ZNF568: variants seen among roughly 807,000 people sequenced by gnomAD.
ZNF568 encodes p53 inhibitor of SCO2 activation.
In ZNF568, 11 loss-of-function variants were observed where a neutral mutation model predicts 18.1. The observed-to-expected ratio is 0.61, with a 90% confidence interval of 0.38 to 1.00. The LOEUF (loss-of-function observed/expected upper bound fraction) is 1.00. Ranked by LOEUF, ZNF568 falls within the 50% of genes least tolerant of loss-of-function variation. The pLI, the probability that ZNF568 is intolerant of heterozygous loss-of-function variation, is 0.01. For synonymous variants in ZNF568, 213 were observed against 246.6 expected, an observed-to-expected ratio of 0.86 and a Z score of 1.28; for missense variants, 639 against 768.2, an observed-to-expected ratio of 0.83 and a Z score of 1.99.
chr19:36,991,380 C>G, intron 3 of ZNF568: 1 of 1,424,918 alleles, frequency 7.0e-7, no homozygotes, highest in Non-Finnish European at 9.2e-7. Flanking sequence ...GTTCTTTTTT[C>G]TGAGTTTGTC....
At chr19:36,958,616 C>CTTTTTTTTTTTTTTTTTT (rs35494587) in intron 6 of ZNF568, among the ~76,000 whole-genome samples, 57 of 99,122 alleles carry the variant, frequency 5.8e-4, no homozygotes, top group African/African-American at 1.3e-3. Context: ...CTTTTTCTTT[C>CTTTTTTTTTTTTTTTTTT]TTTTTTTTTT....
chr19:36,980,580 TATA>T (rs1193442077), downstream of ZNF568, among the ~76,000 whole-genome samples: 2 of 152,222 alleles, frequency 1.3e-5, no homozygotes, highest in East Asian at 3.9e-4. Flanking sequence ...CACCCTTAGG[TATA>T]ATAATTCAGT....
At chr19:36,972,296 C>A (rs1018869042) in intron 6 of ZNF568, among the ~76,000 whole-genome samples, 3 of 151,998 alleles carry the variant, frequency 2.0e-5, no homozygotes, top group Non-Finnish European at 4.4e-5. Context: ...TAAAGTATTT[C>A]TCGAACATAC....
chr19:36,957,266 C>G (rs2074114865), downstream of ZNF568, among the ~76,000 whole-genome samples: 1 of 125,142 alleles, frequency 8.0e-6, no homozygotes, highest in Non-Finnish European at 1.6e-5. Context: ...GAGTCCTGCT[C>G]TGTCGCCCAG....
chr19:36,920,514 T>C (rs960585628), intron 2 of ZNF568, among the ~76,000 whole-genome samples: 8 of 151,772 alleles, frequency 5.3e-5, no homozygotes, highest in African/African-American at 1.2e-4. Flanking sequence ...TCCCAGCTAC[T>C]TGGGAGGCTG....
chr19:36,942,619 AAGAAT>A (rs1301317238), intron 6 of ZNF568, among the ~76,000 whole-genome samples: 1 of 97,750 alleles, frequency 1.0e-5, no homozygotes, highest in Non-Finnish European at 2.1e-5. Flanking sequence ...AAAAAAAAAG[AAGAAT>A]AGAGAGATAA....
intron 7 of ZNF568, among the ~76,000 whole-genome samples, chr19:36,976,781 A>T (rs2074288994): frequency 6.6e-6 from 1 of 152,162 alleles, no homozygotes; most frequent in Admixed American, 6.5e-5. Flanking sequence ...GTGGTGGCGC[A>T]TGCCTGTAAT....
At chr19:36,961,825 GGTTATT>G (rs1269360420) in intron 6 of ZNF568, among the ~76,000 whole-genome samples, 1 of 151,612 alleles carries the variant, frequency 6.6e-6, no homozygotes, top group East Asian at 1.9e-4. Context: ...CCTGGCTAAA[GGTTATT>G]ATTCACATAC....
downstream of ZNF568, among the ~76,000 whole-genome samples, chr19:36,953,327 G>C (rs1834748312): frequency 6.6e-6 from 1 of 152,190 alleles, no homozygotes; most frequent in South Asian, 2.1e-4. Context: ...ATTTTGAAAT[G>C]AGAAATCATT....
At chr19:36,963,693 G>A (rs901614033) in intron 6 of ZNF568, among the ~76,000 whole-genome samples, 1 of 152,112 alleles carries the variant, frequency 6.6e-6, no homozygotes, top group Admixed American at 6.6e-5. Flanking sequence ...AGTTGGCCGG[G>A]CACAGTGGCT....
At chr19:36,990,491 T>G (rs1208519040) in intron 2 of ZNF568, among the ~76,000 whole-genome samples, 2 of 152,198 alleles carry the variant, frequency 1.3e-5, no homozygotes, top group Non-Finnish European at 2.9e-5. Context: ...GGCCCATGCC[T>G]GTGGTCCCAG....
At chr19:36,933,904 T>C (rs1249219905) in intron 4 of ZNF568, among the ~76,000 whole-genome samples, 2 of 100,822 alleles carry the variant, frequency 2.0e-5, no homozygotes, top group African/African-American at 5.2e-5. Context: ...GGTAGGTTTT[T>C]TTTTTTGTTT....
chr19:36,926,769 C>A (rs2073561797), intron 4 of ZNF568, among the ~76,000 whole-genome samples: 1 of 152,104 alleles, frequency 6.6e-6, no homozygotes, highest in South Asian at 2.1e-4. Flanking sequence ...TAGCTTATTT[C>A]ATGTAATTAT....
rs909356395 is a variant in ZNF568 at position 36,971,894 on chromosome 19, C to T, written c.359-2526C>T. ...GTCTCACTGTCACCAGGCTGGAGTGCAGTGGTACAGTCTCGGCTCACTGCA... is the reference window on the plus strand; with the variant it reads ...GTCTCACTGTCACCAGGCTGGAGTGTAGTGGTACAGTCTCGGCTCACTGCA... On this transcript the variant is annotated intron_variant, in intron 6 of 7. Coordinates refer to the ZNF568 transcript ENST00000427117. Among the ~76,000 whole-genome samples the T allele has an allele frequency of 1.2e-4, 17 of 146,702 alleles. 1 individual carries two copies. Among genetic ancestry groups the T allele is most frequent in the Admixed American group, 8.3e-4 (12 of 14,390 alleles).
Position 36,949,613 on chromosome 19 carries a change from G to T in ZNF568, c.460G>T (p.Glu154Ter), listed in dbSNP as rs1276936483. The change falls in exon 7 of 7, where the codon GAA (glutamate) becomes TAA (stop). Residue 154 changes from glutamate (E) to a stop codon, truncating the protein, a stop_gained. Transcript: ENST00000333987. LOFTEE classifies it low-confidence loss of function (END_TRUNC). Reference protein sequence around the residue: ...KKILIKEKVIECKKVAKIFPL... With the variant: ...KKILIKEKVI ...AATTCTGATAAAGGAAAAAGTCATT[G>T]AATGTAAAAAAGTTGCGAAAATATT... 1.9e-6 allele frequency: 3 copies of T among 1,613,566 alleles called. No homozygotes were observed. Among genetic ancestry groups the T allele is most frequent in the Admixed American group, 3.3e-5 (2 of 59,978 alleles).
Position 36,950,493 on chromosome 19 carries a change from AATGT to A in ZNF568, c.1342_1345del (p.Cys448ArgfsTer129). The A allele has an allele frequency of 1.9e-6, 3 of 1,613,628 alleles. No individual in the cohort carries two copies. The highest frequency in any genetic ancestry group is 2.5e-6 in the Non-Finnish European group (3 of 1,179,748). The stretch of plus-strand genomic sequence containing the variant: ...AATCATACAGCTGAGAAACCCTATG[AATGT>A]AAGGAATGTGGAAAAGCCTTCAGCA... On this transcript the variant is annotated frameshift_variant, in exon 7 of 7. Transcript: ENST00000333987. LOFTEE classifies it low-confidence loss of function (END_TRUNC).
intron 2 of ZNF568, among the ~76,000 whole-genome samples, chr19:36,921,177 G>C (rs2146265434): frequency 6.6e-6 from 1 of 152,252 alleles, no homozygotes; most frequent in South Asian, 2.1e-4. Context: ...AGTGATCACT[G>C]TCGGCCAAGC....
At chr19:36,988,770 G>A (rs1644675) in intron 2 of ZNF568, among the ~76,000 whole-genome samples, 81,108 of 151,928 alleles carry the variant, frequency 0.53, 22,178 homozygotes, top group African/African-American at 0.62. Flanking sequence ...TGATGTTTCA[G>A]TACATATCTA....
rs138419937 is a variant in ZNF568 at position 36,952,038 on chromosome 19, CT to C, written c.*967del. 192,056 of 862,144 alleles carry C rather than the reference CT, an allele frequency of 0.22. 3,290 individuals are homozygous for C. The highest frequency in any genetic ancestry group is 0.3 in the South Asian group (5,439 of 18,166). The allele number at this position is 862,144 out of a possible 1,614,324, so 53.4% of individuals were successfully genotyped here. A position where few individuals can be genotyped will look rare whatever the true frequency, so the allele number is the denominator to read the frequency against. On this transcript the variant is annotated 3_prime_UTR_variant, in exon 7 of 7. Coordinates refer to ENST00000333987, the MANE Select transcript of ZNF568 (RefSeq NM_198539.4). ...TGTCTATGACGTTGAGGCCAAGGAG[CT>C]TTTTTTTTTTTTTTTTCAAGACAAA...
Sources: gnomAD v4.1 joint callset for allele counts (sites outside exome capture counted in the v4.1 genomes callset) on GRCh38, gnomAD v4.1.1 for gene constraint, MANE v1.5 for transcripts, NCBI Gene and HGNC (gene_info 2026-07-23, HGNC 2026-07-21) for gene names.